ANO7: variants seen among roughly 807,000 people sequenced by gnomAD.
The protein encoded by ANO7 is anoctamin-7.
In ANO7, 114 loss-of-function variants were observed where a neutral mutation model predicts 115.8. The observed-to-expected ratio is 0.98, with a 90% CI of 0.85 to 1.15. ANO7 has a LOEUF of 1.15. Among genes scored for constraint, ANO7 ranks in the 50% most tolerant of loss-of-function variants. The pLI is 0.00. For synonymous variants in ANO7, 550 were observed against 498.2 expected (o/e 1.10, Z -1.38); for missense variants, 1,302 against 1,201.2 (o/e 1.08, Z -1.24).
chr2:241,199,283 C>T, intron 4 of ANO7, 33 bp from the exon 5 acceptor site: 1 of 1,593,628 alleles, frequency 6.3e-7, no homozygotes, highest in East Asian at 2.2e-5. Flanking sequence ...CACATGCACC[C>T]TCAGGCTCTC....
At chr2:241,235,262 G>C in the ANO7 span, 1 of 1,614,180 alleles carries the variant, frequency 6.2e-7, no homozygotes, top group Non-Finnish European at 8.5e-7. Flanking sequence ...TCACCTACGT[G>C]AAGAGGGGGC....
the ANO7 span, chr2:241,235,084 A>G: frequency 1.2e-6 from 2 of 1,605,630 alleles, no homozygotes; most frequent in Non-Finnish European, 1.7e-6. Flanking sequence ...GCTGAGCACC[A>G]TGGCTCTGGG....
intron 21 of ANO7, 70 bp downstream of exon 21, chr2:241,218,451 TGGG>T (rs1018176608): frequency 1.0e-5 from 9 of 870,230 alleles, no homozygotes; most frequent in Non-Finnish European, 1.2e-5. Context: ...TCGGGTGGGG[TGGG>T]GGTGCGGCGG....
the ANO7 span, among the ~76,000 whole-genome samples, chr2:241,238,124 A>G: frequency 6.6e-6 from 1 of 152,224 alleles, no homozygotes; most frequent in Admixed American, 6.5e-5. This position sits in a 1 kb window ranked among gnomAD's most constrained non-coding sequence, Gnocchi z 4.9. Context: ...ACCGACCCGC[A>G]TCCCACAGGT....
intron 5 of ANO7, 104 bp downstream of exon 5, chr2:241,199,527 G>T: frequency 2.7e-6 from 3 of 1,127,392 alleles, no homozygotes; most frequent in Non-Finnish European, 3.9e-6. Context: ...CCTGCTCAGA[G>T]GCCTCAGGGG....
chr2:241,236,408 C>T, the ANO7 span: 3 of 595,358 alleles, frequency 5.0e-6, no homozygotes, highest in South Asian at 2.0e-5. Context: ...GCTATAGAAC[C>T]CCGAGCCTTG....
intron 9 of ANO7, among the ~76,000 whole-genome samples, chr2:241,204,456 C>T (rs1005411578): frequency 5.3e-5 from 8 of 151,970 alleles, no homozygotes; most frequent in Admixed American, 2.0e-4. Flanking sequence ...GGGAGGTACC[C>T]GGAATGACTC....
chr2:241,221,974 C>T (rs1279177085), intron 21 of ANO7, among the ~76,000 whole-genome samples: 2 of 152,188 alleles, frequency 1.3e-5, no homozygotes, highest in Admixed American at 1.3e-4. Flanking sequence ...GGGGCTCATG[C>T]CTGTATTCCC....
At chr2:241,219,575 CT>C (rs199964396) in intron 21 of ANO7, among the ~76,000 whole-genome samples, 2 of 149,260 alleles carry the variant, frequency 1.3e-5, no homozygotes, top group Non-Finnish European at 1.5e-5. Context: ...TTTCTTTTTT[CT>C]TTTTTTTTAG....
At position 241,203,511 on chromosome 2, in the gene ANO7, C is replaced by T. The variant is rs202066893; in HGVS notation, c.889+13C>T. The stretch of plus-strand genomic sequence containing the variant: ...TTCGCCTGGCTCGGTGAGTCCCCCC[C>T]GCTGCCCCCCAGACCACCTGGGCCC... On this transcript the variant is annotated intron_variant, in intron 9 of 24. Coordinates refer to ENST00000674324, the MANE Select transcript of ANO7 (RefSeq NM_001370694.2). This position sits in a 1 kb window ranked among gnomAD's most constrained non-coding sequence, Gnocchi z 4.8. 4.4e-4 allele frequency: 638 copies of T among 1,455,534 alleles called. 1 individual carries two copies. The East Asian group carries it at 7.6e-3, about 17-fold the overall frequency. 90.2% of individuals were successfully genotyped at this position (1,455,534 alleles called of 1,614,324 possible). A position where few individuals can be genotyped will look rare whatever the true frequency, so the allele number is the denominator to read the frequency against.
chr2:241,240,030 G>T, the ANO7 span: 1 of 1,614,176 alleles, frequency 6.2e-7, no homozygotes, highest in South Asian at 1.1e-5. The surrounding 1 kb of genome is among the most constrained non-coding windows in gnomAD (Gnocchi z 5.5). Flanking sequence ...CAGTGCTGTC[G>T]CGCACCTTGC....
chr2:241,193,339 G>A lies in ANO7; in HGVS notation c.166+2088G>A, dbSNP rs2068248905. 2.0e-5 allele frequency among the ~76,000 whole-genome samples: 3 copies of A among 152,074 alleles called. No individual in the cohort carries two copies. The South Asian group carries it at 6.2e-4, about 32-fold the overall frequency. ...CCCGCCTTGGCCTCCAAAAGTGCTG[G>A]GATTATAAGTGTGAGCCGCCACGCC... On this transcript the variant is annotated intron_variant, in intron 3 of 24. Coordinates refer to ENST00000674324, the MANE Select transcript of ANO7 (RefSeq NM_001370694.2).
chr2:241,217,319 C>G (rs184277108), intron 19 of ANO7, among the ~76,000 whole-genome samples: 54 of 152,370 alleles, frequency 3.5e-4, no homozygotes, highest in African/African-American at 1.2e-3. Context: ...GACCCAGAAG[C>G]CCCTTCCAAA....
Position 241,203,448 on chromosome 2 carries a change from A to C in ANO7, c.839A>C (p.His280Pro). Residue 280 changes from histidine to proline, a missense_variant, in exon 9 of 25, where the codon CAC becomes CCC. Transcript: ENST00000674324. This position sits in a 1 kb window ranked among gnomAD's most constrained non-coding sequence, Gnocchi z 4.8. ...GKWNKYQPLD[H>P]VRRYFGEKVA... ...TGGAACAAGTACCAGCCCCTGGACC[A>C]CGTGCGCAGGTACTTCGGGGAGAAG... The C allele has an allele frequency of 6.3e-7, 1 of 1,581,720 alleles. No homozygotes were observed. Among genetic ancestry groups the C allele is most frequent in the Non-Finnish European group, 8.6e-7 (1 of 1,165,276 alleles).
At position 241,220,305 on chromosome 2, in the gene ANO7, G is replaced by A. The variant is rs13432742; in HGVS notation, c.2321+1924G>A. ...CATGCATTTTTGTCCTTCAAATAGC[G>A]GATATAAAAGTATAGGTCGAGTTAT... is the stretch of plus-strand genomic sequence containing the variant. On this transcript the variant is annotated intron_variant, in intron 21 of 24. Transcript: ENST00000674324. Among the ~76,000 whole-genome samples the A allele has an allele frequency of 6.7e-3, 1,018 of 152,170 alleles. 12 individuals carry two copies. The highest frequency in any genetic ancestry group is 0.023 in the African/African-American group (942 of 41,496).
At chr2:241,202,139 C>T (rs1372374604) in intron 7 of ANO7, 55 bp from the exon 8 acceptor site, 27 of 1,499,898 alleles carry the variant, frequency 1.8e-5, no homozygotes, top group Non-Finnish European at 8.3e-6. Flanking sequence ...CTAGGACTTC[C>T]CTGTTCTGCT....
At chr2:241,216,926 C>T (rs988245492) in intron 19 of ANO7, among the ~76,000 whole-genome samples, 2 of 152,222 alleles carry the variant, frequency 1.3e-5, no homozygotes, top group African/African-American at 2.4e-5. Flanking sequence ...CTCCACCTCC[C>T]AGGTTCAAGC....
intron 23 of ANO7, 29 bp downstream of exon 23, chr2:241,223,810 CCCCCCAG>C: frequency 6.2e-7 from 1 of 1,614,062 alleles, no homozygotes; most frequent in Non-Finnish European, 8.5e-7. Flanking sequence ...TCTCGGCCCT[CCCCCCAG>C]CCCTCTCCCT....
the ANO7 span, among the ~76,000 whole-genome samples, chr2:241,231,727 G>A: frequency 2.6e-4 from 40 of 152,070 alleles, no homozygotes; most frequent in Non-Finnish European, 4.9e-4. Context: ...CACACAAATG[G>A]ACAGGAGACA....
Sources: allele counts gnomAD v4.1 joint callset (sites outside exome capture counted in the v4.1 genomes callset), GRCh38; gene constraint gnomAD v4.1.1; non-coding constraint Gnocchi (gnomAD v3.1); transcripts MANE v1.5; gene names NCBI Gene and HGNC (gene_info 2026-07-23, HGNC 2026-07-21).